The following ORC5 variants were observed in gnomAD, a reference collection of about 807,000 sequenced individuals.
The protein encoded by ORC5 is origin recognition complex subunit 5.
Under a neutral mutation model 58.8 loss-of-function variants are expected in ORC5, and 39 were observed. The ratio of observed to expected loss-of-function variants is 0.66; its 90% CI spans 0.51 to 0.87. The LOEUF (loss-of-function observed/expected upper bound fraction) is 0.87. Among genes scored for constraint, ORC5 ranks in the 40% least tolerant of loss-of-function variants. The probability of loss-of-function intolerance (pLI) is 0.00; values close to 1 mark genes in which losing one functional copy is unlikely to be tolerated. For missense variants in ORC5, 493 were observed against 506.3 expected (o/e 0.97, Z 0.25); for synonymous variants, 218 against 177.6 (o/e 1.23, Z -1.81).
In ORC5 at chr7:104,207,883, C is replaced by G. The variant is rs766134314; in HGVS notation, c.22G>C (p.Val8Leu). Residue 8 changes from valine (V) to leucine (L), a missense_variant, in exon 1 of 14, where the codon GTG becomes CTG. Coordinates refer to ENST00000297431, the MANE Select transcript of ORC5 (RefSeq NM_002553.4). MPHLENV[V>L]LCRESQVSIL... is the part of the protein sequence containing the mutation. ...GACACTTGAGACTCGCGACAAAGCA[C>G]CACGTTTTCCAAGTGGGGCATTCTG... The G allele has an allele frequency of 2.5e-6, 4 of 1,614,198 alleles. No individual in the cohort carries two copies. Among genetic ancestry groups the G allele is most frequent in the South Asian group, 2.2e-5 (2 of 91,080 alleles).
At chr7:104,135,066 G>A (rs1382581255) in intron 13 of ORC5, among the ~76,000 whole-genome samples, 2 of 152,142 alleles carry the variant, frequency 1.3e-5, no homozygotes, top group Non-Finnish European at 2.9e-5. Context: ...TCACTGTGAT[G>A]CTCTGCACTA....
chr7:104,150,466 G>T (rs1171019293), intron 12 of ORC5, among the ~76,000 whole-genome samples: 1 of 151,582 alleles, frequency 6.6e-6, no homozygotes, highest in African/African-American at 2.4e-5. Context: ...AGCAGAGGTG[G>T]TAAATGCAGC....
intron 6 of ORC5, among the ~76,000 whole-genome samples, chr7:104,186,835 T>G (rs758570093): frequency 6.6e-6 from 1 of 152,246 alleles, no homozygotes; most frequent in Non-Finnish European, 1.5e-5. Context: ...TTACCAATAG[T>G]AGTATAAGAC....
chr7:104,144,410 T>A (rs1798722455), intron 12 of ORC5, among the ~76,000 whole-genome samples: 1 of 152,220 alleles, frequency 6.6e-6, no homozygotes, highest in Non-Finnish European at 1.5e-5. Context: ...CTAATTTTTA[T>A]TTCCAACTAT....
chr7:104,185,855 C>A (rs544467516), intron 6 of ORC5, among the ~76,000 whole-genome samples: 84 of 151,394 alleles, frequency 5.5e-4, no homozygotes, highest in Non-Finnish European at 6.0e-4. Context: ...TTCAATAAGG[C>A]ACAGAAAAAG....
intron 6 of ORC5, chr7:104,187,923 T>C (rs1427541470): frequency 1.0e-6 from 1 of 999,020 alleles, no homozygotes; most frequent in Non-Finnish European, 1.2e-6. Flanking sequence ...TTTACATCTC[T>C]TTTCTGTTAT....
At chr7:104,151,711 C>T (rs1798850401) in intron 12 of ORC5, among the ~76,000 whole-genome samples, 1 of 152,116 alleles carries the variant, frequency 6.6e-6, no homozygotes, top group Admixed American at 6.6e-5. Context: ...GTTCAGCTGG[C>T]AATTTGGATG....
chr7:104,178,540 G>A (rs1799368968), intron 8 of ORC5, among the ~76,000 whole-genome samples: 1 of 152,016 alleles, frequency 6.6e-6, no homozygotes, highest in African/African-American at 2.4e-5. Flanking sequence ...AGTTTCCTTT[G>A]CTGTGTAGAA....
chr7:104,180,803 T>C (rs1232089532), intron 8 of ORC5, among the ~76,000 whole-genome samples: 2 of 152,022 alleles, frequency 1.3e-5, no homozygotes, highest in East Asian at 1.9e-4. Context: ...AGATCTAATA[T>C]ATCATCAAGT....
intron 13 of ORC5, among the ~76,000 whole-genome samples, chr7:104,135,825 C>T (rs1798579051): frequency 6.6e-6 from 1 of 152,080 alleles, no homozygotes; most frequent in South Asian, 2.1e-4. Flanking sequence ...ACTTTCATGA[C>T]TAATTTTTAA....
At chr7:104,162,517 T>A (rs1316838426) in intron 11 of ORC5, among the ~76,000 whole-genome samples, 1 of 152,228 alleles carries the variant, frequency 6.6e-6, no homozygotes. Context: ...TGTATTTACA[T>A]GCATGGGAGT....
intron 8 of ORC5, among the ~76,000 whole-genome samples, chr7:104,171,698 C>T (rs981913705): frequency 6.6e-6 from 1 of 151,872 alleles, no homozygotes; most frequent in Non-Finnish European, 1.5e-5. Flanking sequence ...AAAAAAAATA[C>T]AAAAAATTAG....
At chr7:104,160,997 G>T in intron 12 of ORC5, 75 bp downstream of exon 12, 1 of 825,984 alleles carries the variant, frequency 1.2e-6, no homozygotes, top group Non-Finnish European at 2.1e-6. Context: ...AAATCTGAAT[G>T]CCTGGAATTC....
At chr7:104,173,880 TGTCG>T (rs1799265631) in intron 8 of ORC5, among the ~76,000 whole-genome samples, 1 of 140,632 alleles carries the variant, frequency 7.1e-6, no homozygotes, top group Non-Finnish European at 1.5e-5. Context: ...AGTCTCGCTC[TGTCG>T]CCCAGGCTGG....
At chr7:104,190,687 G>A (rs564425496) in intron 5 of ORC5, among the ~76,000 whole-genome samples, 44 of 152,044 alleles carry the variant, frequency 2.9e-4, no homozygotes, top group African/African-American at 8.7e-4. Flanking sequence ...TTGGTGCAAT[G>A]CTCTCCTTAG....
At chr7:104,199,175 C>A (rs1383625891) in intron 3 of ORC5, among the ~76,000 whole-genome samples, 1 of 74 alleles carries the variant, frequency 0.014, no homozygotes, top group Non-Finnish European at 0.026. Flanking sequence ...CCTACAGAGT[C>A]CCCACTGGGC....
chr7:104,173,609 A>T (rs1799257046), intron 8 of ORC5, among the ~76,000 whole-genome samples: 1 of 152,132 alleles, frequency 6.6e-6, no homozygotes, highest in Non-Finnish European at 1.5e-5. Flanking sequence ...TTCATTCAGG[A>T]TCTCATTAAG....
At chr7:104,152,633 A>G (rs1798864532) in intron 12 of ORC5, among the ~76,000 whole-genome samples, 1 of 152,182 alleles carries the variant, frequency 6.6e-6, no homozygotes, top group South Asian at 2.1e-4. Context: ...ATGCATTTGC[A>G]AGCACATATC....
intron 13 of ORC5, among the ~76,000 whole-genome samples, chr7:104,127,482 CAGAG>C (rs968223946): frequency 2.0e-5 from 3 of 152,052 alleles, no homozygotes; most frequent in Non-Finnish European, 1.5e-5. Flanking sequence ...AATAAAATAG[CAGAG>C]AGAGAGACAT....
Sources: allele counts gnomAD v4.1 joint callset (sites outside exome capture counted in the v4.1 genomes callset), GRCh38; gene constraint gnomAD v4.1.1; transcripts MANE v1.5; gene names NCBI Gene and HGNC (gene_info 2026-07-23, HGNC 2026-07-21).